The following TMEM178B variants were observed in gnomAD, a reference collection of about 807,000 sequenced individuals.
TMEM178B encodes transmembrane protein 178B.
TMEM178B carries 5 observed loss-of-function variants against 31.0 expected under a neutral mutation model. The observed-to-expected ratio is 0.16, with a 90% CI of 0.08 to 0.34. The LOEUF (loss-of-function observed/expected upper bound fraction) is 0.34, where lower values mean the gene tolerates loss of function less well. Among genes scored for constraint, TMEM178B ranks in the 10% least tolerant of loss-of-function variants. TMEM178B has a pLI of 1.00. For missense variants in TMEM178B, 275 were observed against 400.3 expected (o/e 0.69, Z 2.67); for synonymous variants, 164 against 164.0 (o/e 1.00, Z 0.00).
chr7:141,391,542 G>T (rs1431141491), intron 2 of TMEM178B, among the ~76,000 whole-genome samples: 1 of 152,132 alleles, frequency 6.6e-6, no homozygotes, highest in East Asian at 1.9e-4. Flanking sequence ...ATATACATAA[G>T]ATTTACCCTT....
At chr7:141,295,945 C>T (rs1223207672) in intron 2 of TMEM178B, among the ~76,000 whole-genome samples, 3 of 152,184 alleles carry the variant, frequency 2.0e-5, no homozygotes, top group Non-Finnish European at 4.4e-5. Context: ...TTAACCTTTC[C>T]AGGCTTGGTG....
intron 2 of TMEM178B, among the ~76,000 whole-genome samples, chr7:141,232,823 C>T (rs1353911395): frequency 6.6e-6 from 1 of 152,138 alleles, no homozygotes; most frequent in Non-Finnish European, 1.5e-5. Context: ...GAGCCCTGAG[C>T]CCCCTGCTAC....
intron 2 of TMEM178B, among the ~76,000 whole-genome samples, chr7:141,420,331 G>A (rs1801181243): frequency 1.3e-5 from 2 of 152,132 alleles, no homozygotes; most frequent in Admixed American, 1.3e-4. Context: ...TGAGAAACAT[G>A]CATTGAATGA....
At chr7:141,218,181 A>G (rs1797192644) in intron 2 of TMEM178B, among the ~76,000 whole-genome samples, 1 of 151,994 alleles carries the variant, frequency 6.6e-6, no homozygotes, top group African/African-American at 2.4e-5. Flanking sequence ...CAGGCTTCTC[A>G]TCTACAGCAT....
chr7:141,352,026 G>T (rs545498887), intron 2 of TMEM178B: 1 of 152,410 alleles, frequency 6.6e-6, no homozygotes, highest in East Asian at 1.9e-4. Context: ...CCATGCCCTC[G>T]CTGCAGGCCT....
chr7:141,401,375 C>A (rs555280247), intron 2 of TMEM178B, among the ~76,000 whole-genome samples: 62 of 152,218 alleles, frequency 4.1e-4, no homozygotes, highest in African/African-American at 1.3e-3. Context: ...TACCACTGGG[C>A]AATAAACATT....
intron 2 of TMEM178B, among the ~76,000 whole-genome samples, chr7:141,393,375 A>C (rs1800579751): frequency 6.6e-6 from 1 of 152,228 alleles, no homozygotes; most frequent in South Asian, 2.1e-4. Context: ...TAATAGAAGC[A>C]AAATAACGAC....
At chr7:141,268,689 G>A (rs1315235091) in intron 2 of TMEM178B, among the ~76,000 whole-genome samples, 1 of 152,256 alleles carries the variant, frequency 6.6e-6, no homozygotes, top group Non-Finnish European at 1.5e-5. Context: ...AGATCCTGAA[G>A]CATTTTTTCG....
At chr7:141,319,653 C>T (rs1260832871) in intron 2 of TMEM178B, among the ~76,000 whole-genome samples, 1 of 152,114 alleles carries the variant, frequency 6.6e-6, no homozygotes, top group Non-Finnish European at 1.5e-5. Flanking sequence ...ATTCTCCTGC[C>T]TCAACCTCCA....
intron 1 of TMEM178B, among the ~76,000 whole-genome samples, chr7:141,166,431 A>G (rs1460624087): frequency 1.3e-5 from 2 of 152,196 alleles, no homozygotes; most frequent in African/African-American, 2.4e-5. Flanking sequence ...CAGTGCATCC[A>G]TGTTAGTGTT....
chr7:141,252,743 T>G (rs1174121522), intron 2 of TMEM178B, among the ~76,000 whole-genome samples: 1 of 152,214 alleles, frequency 6.6e-6, no homozygotes, highest in Non-Finnish European at 1.5e-5. Flanking sequence ...GACCACAGAC[T>G]GTATGGTACA....
intron 2 of TMEM178B, among the ~76,000 whole-genome samples, chr7:141,398,060 G>A: frequency 6.6e-6 from 1 of 152,164 alleles, no homozygotes; most frequent in African/African-American, 2.4e-5. Context: ...TGGGCAGGTA[G>A]GAGAGGTCAC....
chr7:141,446,310 A>G (rs1032972356), intron 3 of TMEM178B, among the ~76,000 whole-genome samples: 1 of 152,152 alleles, frequency 6.6e-6, no homozygotes, highest in Admixed American at 6.5e-5. Flanking sequence ...GATGAATCCA[A>G]ATCTGGTCAG....
At chr7:141,469,250 C>T (rs1802197338) in intron 3 of TMEM178B, among the ~76,000 whole-genome samples, 2 of 152,240 alleles carry the variant, frequency 1.3e-5, no homozygotes, top group African/African-American at 4.8e-5. Flanking sequence ...TACCCTCACT[C>T]TCTGCCTAAA....
intron 1 of TMEM178B, among the ~76,000 whole-genome samples, chr7:141,124,306 G>A (rs1188677558): frequency 6.6e-6 from 1 of 152,138 alleles, no homozygotes; most frequent in African/African-American, 2.4e-5. Flanking sequence ...GGCAGAGGTT[G>A]CAGTGAGCCA....
At position 141,423,785 on chromosome 7, in the gene TMEM178B, ATT is replaced by A. The variant is rs796157345; in HGVS notation, c.497-13821_497-13820del. On this transcript the variant is annotated intron_variant, in intron 2 of 3. Transcript: ENST00000565468. Reference sequence around the variant, plus strand: ...TAAAGGGGCAGATTTGAGTAAGAAGATTTCTATAGTGACATTTGTGTTTTTTT... The same window carrying A: ...TAAAGGGGCAGATTTGAGTAAGAAGATCTATAGTGACATTTGTGTTTTTTT... Among the ~76,000 whole-genome samples, 10 of 143,556 alleles carry A rather than the reference ATT, an allele frequency of 7.0e-5. No homozygotes were observed. The East Asian group carries it at 2.1e-3, about 30-fold the overall frequency. 94.2% of individuals were successfully genotyped at this position (143,556 alleles called of 152,430 possible).
At position 141,092,095 on chromosome 7, in the gene TMEM178B, A is replaced by T. The variant is rs191203559; in HGVS notation, c.382+17403A>T. On this transcript the variant is annotated intron_variant, in intron 1 of 3. Transcript: ENST00000565468. Reference sequence around the variant, plus strand: ...GTGTCCACTGTTATAGCTGAATTCCATACAAATTCAGCTTCTGTTAATGGA... The same window carrying T: ...GTGTCCACTGTTATAGCTGAATTCCTTACAAATTCAGCTTCTGTTAATGGA... 3.9e-5 allele frequency among the ~76,000 whole-genome samples: 6 copies of T among 152,286 alleles called. No homozygotes were observed. The East Asian group carries it at 7.7e-4, about 20-fold the overall frequency.
intron 2 of TMEM178B, among the ~76,000 whole-genome samples, chr7:141,282,711 A>G (rs1371990871): frequency 6.6e-6 from 1 of 152,256 alleles, no homozygotes; most frequent in African/African-American, 2.4e-5. Context: ...AAATTCAAAC[A>G]TACTTGTGAA....
chr7:141,396,109 C>T (rs1800632649), intron 2 of TMEM178B, among the ~76,000 whole-genome samples: 1 of 152,072 alleles, frequency 6.6e-6, no homozygotes, highest in Non-Finnish European at 1.5e-5. Context: ...CACCAGCTCT[C>T]TCAGAGAGGG....
Sources: gnomAD v4.1 joint callset for allele counts (sites outside exome capture counted in the v4.1 genomes callset) on GRCh38, gnomAD v4.1.1 for gene constraint, MANE v1.5 for transcripts, NCBI Gene and HGNC (gene_info 2026-07-23, HGNC 2026-07-21) for gene names.